OBSL1: variants seen among roughly 807,000 people sequenced by gnomAD.
OBSL1 encodes the protein obscurin like cytoskeletal adaptor 1.
Under a neutral mutation model 172.0 loss-of-function variants are expected in OBSL1, and 160 were observed. The ratio of observed to expected loss-of-function variants is 0.93; its 90% confidence interval spans 0.82 to 1.06. The LOEUF is 1.06. Ranked by LOEUF, OBSL1 falls within the 50% of genes least tolerant of loss-of-function variation. The pLI, the probability that OBSL1 is intolerant of heterozygous loss-of-function variation, is 0.00. For synonymous variants in OBSL1, 1,200 were observed against 1,196.3 expected (o/e 1.00, Z -0.06); for missense variants, 2,681 against 2,715.4 (o/e 0.99, Z 0.28).
At chr2:219,553,110 A>T (rs1417597566) in intron 16 of OBSL1, 86 bp from the exon 17 acceptor site, 1 of 1,398,062 alleles carries the variant, frequency 7.2e-7, no homozygotes, top group Non-Finnish European at 9.2e-7. Context: ...CCCTTTGTTG[A>T]TGCCAAGCGG....
rs1490313117 is a variant in OBSL1 at position 219,556,278 on chromosome 2, A to G, written c.4351T>C (p.Phe1451Leu). 23 of 1,585,808 alleles carry G rather than the reference A, an allele frequency of 1.5e-5. No homozygotes were observed. The highest frequency in any genetic ancestry group is 2.0e-5 in the Non-Finnish European group (23 of 1,162,626). ...RLHVRETELLFLRRLQDVRAE... is the reference protein window; with the variant it reads ...RLHVRETELLLLRRLQDVRAE... ...CGCACATCCTGCAACCGCCGTAGGAACAGCAGCTCTGTCTCTGGTGGGGAA... is the reference window on the plus strand; with the variant it reads ...CGCACATCCTGCAACCGCCGTAGGAGCAGCAGCTCTGTCTCTGGTGGGGAA... The change falls in exon 14 of 21, where the codon TTC becomes CTC. Residue 1451 changes from phenylalanine (F) to leucine (L), a missense_variant. Transcript: ENST00000404537.
At chr2:219,552,426 TGGGGCGGGGCCCGTCGGAGCCA>T (rs1695690860) in intron 18 of OBSL1, 88 bp downstream of exon 18, 3 of 1,045,088 alleles carry the variant, frequency 2.9e-6, no homozygotes, top group South Asian at 3.3e-5. Flanking sequence ...CACAGGGCCG[TGGGGCGGGGCCCGTCGGAGCCA>T]GGGGCGGGGC....
In OBSL1 at chr2:219,559,428, A is replaced by G; in HGVS notation, c.3023T>C (p.Val1008Ala). 1 of 1,613,692 alleles carries G rather than the reference A, an allele frequency of 6.2e-7. No homozygotes were observed. Among genetic ancestry groups the G allele is most frequent in the Non-Finnish European group, 8.5e-7 (1 of 1,179,826 alleles). ...CTCCCGAGACAGTTCACACATCAGCACCACACACTCCAAGGTCACGGCGAT... is the reference window on the plus strand; with the variant it reads ...CTCCCGAGACAGTTCACACATCAGCGCCACACACTCCAAGGTCACGGCGAT... Reference protein sequence around the residue: ...TLIAVTLECVVLMCELSREDA... With the variant: ...TLIAVTLECVALMCELSREDA... The change falls in exon 9 of 21, where the codon GTG becomes GCG. Residue 1008 changes from valine (V) to alanine (A), a missense_variant. Val to Ala is a moderately conservative substitution (Grantham distance 64). Coordinates refer to ENST00000404537, the MANE Select transcript of OBSL1 (RefSeq NM_015311.3).
At chr2:219,570,116 T>TC in intron 1 of OBSL1, 105 bp downstream of exon 1, 2 of 1,018,512 alleles carry the variant, frequency 2.0e-6, no homozygotes, top group South Asian at 4.4e-5. Flanking sequence ...GCGGACCACC[T>TC]CTCCTCCAGT....
chr2:219,551,793 G>A lies in OBSL1; in HGVS notation c.5419C>T (p.Pro1807Ser). The stretch of plus-strand genomic sequence containing the variant: ...GGGGGGTGGCGGCACATCTGGAGAG[G>A]CAATGCTGGGGGTAGGGGGCGGGGG... The part of the protein sequence containing the change: ...SLALLEVEAL[P>S]LQMCRHPPRE... Residue 1807 changes from proline to serine, a missense_variant, in exon 20 of 21, where the codon CCT becomes TCT. Around this residue, in one of 5 missense-constraint regions of OBSL1, gnomAD observed 1,765 missense variants for 1,748.3 expected, o/e 1.01. Coordinates refer to ENST00000404537, the MANE Select transcript of OBSL1 (RefSeq NM_015311.3). 6.4e-7 allele frequency: 1 copy of A among 1,574,260 alleles called. No individual in the cohort carries two copies. Among genetic ancestry groups the A allele is most frequent in the Non-Finnish European group, 8.6e-7 (1 of 1,157,236 alleles).
rs574451794 is a variant in OBSL1, at chr2:219,563,374, G to A, written c.2661C>T (p.Tyr887=). 272 of 1,588,018 alleles carry A rather than the reference G, an allele frequency of 1.7e-4. 4 individuals carry two copies. In the South Asian group the frequency reaches 2.0e-3, roughly 12 times the overall value. The change falls in exon 7 of 21, where the codon TAC becomes TAT. Residue 887 remains tyrosine (Y), a synonymous_variant. Transcript: ENST00000404537. The part of the protein sequence containing the change: ...FQCVAGDECA[Y]FTVTITDVSS... ...CCCCACCTGTGATGGTGACAGTGAA[G>A]TAGGCACACTCATCTCCAGCGACGC...
Position 219,568,199 on chromosome 2 carries a change from G to A in OBSL1, c.1138C>T (p.Leu380=). The change falls in exon 2 of 21, where the codon CTG becomes TTG. Residue 380 remains leucine (L), a synonymous_variant. Transcript: ENST00000404537. The surrounding 1 kb of genome is among the most constrained non-coding windows in gnomAD (Gnocchi z 4.1). ...PTAWFREDQR[L]LPCRKYEQIE... ...TGCTCGTACTTGCGGCAGGGCAGCA[G>A]CCGCTGGTCCTCACGGAACCAGGCC... 1 of 1,613,662 alleles carries A rather than the reference G, an allele frequency of 6.2e-7. No homozygotes were observed. Among genetic ancestry groups the A allele is most frequent in the Non-Finnish European group, 8.5e-7 (1 of 1,179,898 alleles).
chr2:219,567,258 G>A lies in OBSL1; in HGVS notation c.1837+15C>T. On this transcript the variant is annotated intron_variant, in intron 4 of 20. Transcript: ENST00000404537. ...GGAGGAGAAGTGATGGGTGGGTCTG[G>A]CAGGACCAACTCACCAAGGTGAGCA... 7 of 1,579,584 alleles carry A rather than the reference G, an allele frequency of 4.4e-6. No individual in the cohort carries two copies. Among genetic ancestry groups the A allele is most frequent in the Non-Finnish European group, 5.2e-6 (6 of 1,158,904 alleles).
At chr2:219,547,841 C>A (rs781157116), downstream of OBSL1, 1 of 1,587,284 alleles carries the variant, frequency 6.3e-7, no homozygotes, top group South Asian at 1.1e-5. Flanking sequence ...TCTGCGCTGG[C>A]CCCGCCCACT....
intron 9 of OBSL1, 161 bp downstream of exon 9, chr2:219,559,064 G>T: frequency 1.5e-6 from 1 of 658,950 alleles, no homozygotes; most frequent in Non-Finnish European, 2.5e-6. Context: ...CAGGCCTCTG[G>T]TCCTGACCTG....
rs1559152452 is a variant in OBSL1 at position 219,566,940 on chromosome 2, T to G, written c.2024A>C (p.Lys675Thr). ...CAGGATGAGTCTGTGCTGCAGACCC[T>G]TCTGCTCTATACGGTACCGCAGGGC... The part of the protein sequence containing the change: ...PGALRYRIEQ[K>T]GLQHRLILHA... Residue 675 changes from lysine to threonine, a missense_variant, in exon 5 of 21, where the codon AAG becomes ACG. Lys to Thr is a moderately conservative substitution (Grantham distance 78, BLOSUM62 -1). Around this residue, in one of 5 missense-constraint regions of OBSL1, gnomAD observed 1,765 missense variants for 1,748.3 expected, o/e 1.01. Coordinates refer to ENST00000404537, the MANE Select transcript of OBSL1 (RefSeq NM_015311.3). 6.2e-7 allele frequency: 1 copy of G among 1,613,824 alleles called. No homozygotes were observed. Among genetic ancestry groups the G allele is most frequent in the East Asian group, 2.2e-5 (1 of 44,872 alleles).
intron 8 of OBSL1, 76 bp from the exon 9 acceptor site, chr2:219,559,573 C>T: frequency 7.8e-7 from 1 of 1,286,820 alleles, no homozygotes; most frequent in African/African-American, 1.5e-5. Flanking sequence ...AGCATGAAGT[C>T]CCTATCACCC....
intron 20 of OBSL1, 79 bp downstream of exon 20, chr2:219,551,450 G>T: frequency 6.9e-7 from 1 of 1,457,626 alleles, no homozygotes; most frequent in Non-Finnish European, 9.2e-7. Context: ...GTTCTGGAAA[G>T]CCTCCCATAG....
intron 8 of OBSL1, among the ~76,000 whole-genome samples, chr2:219,560,466 A>G (rs960801150): frequency 6.6e-6 from 1 of 152,180 alleles, no homozygotes; most frequent in African/African-American, 2.4e-5. Context: ...TGACCAGCGC[A>G]TGGAGCCCAG....
Position 219,562,422 on chromosome 2 carries a change from G to C in OBSL1, c.2933C>G (p.Ser978Cys). Residue 978 changes from serine to cysteine, a missense_variant, in exon 8 of 21, where the codon TCC becomes TGC. Ser to Cys is a moderately radical substitution (Grantham distance 112, BLOSUM62 -1). This residue lies in a region of OBSL1 where 1,765 missense variants were observed against 1,748.3 expected (regional missense o/e 1.01). Coordinates refer to ENST00000404537, the MANE Select transcript of OBSL1 (RefSeq NM_015311.3). ...YLCEIDDESA[S>C]FTVTVTEPPV... ...CACACCTGTGACGGTGACAGTGAAG[G>C]AGGCCGACTCATCGTCAATTTCACA... is the stretch of plus-strand genomic sequence containing the variant. 6.2e-7 allele frequency: 1 copy of C among 1,613,790 alleles called. No homozygotes were observed. Among genetic ancestry groups the C allele is most frequent in the Non-Finnish European group, 8.5e-7 (1 of 1,179,822 alleles).
chr2:219,563,665 C>A, intron 6 of OBSL1, 38 bp from the exon 7 acceptor site: 1 of 1,588,752 alleles, frequency 6.3e-7, no homozygotes, highest in Non-Finnish European at 8.6e-7. Flanking sequence ...ACAGACACCC[C>A]CGCACAATGA....
intron 20 of OBSL1, chr2:219,551,317 A>T: frequency 7.1e-7 from 1 of 1,414,020 alleles, no homozygotes; most frequent in East Asian, 2.5e-5. Context: ...AGGTGGGAAC[A>T]GCTGACCAGG....
chr2:219,555,074 G>C (rs1695902216), intron 14 of OBSL1: 1 of 334,360 alleles, frequency 3.0e-6, no homozygotes, highest in Non-Finnish European at 5.5e-6. Context: ...CTACCACATA[G>C]TTTGTGTGCT....
Position 219,570,655 on chromosome 2 carries a change from G to C in OBSL1, c.578C>G (p.Ala193Gly), listed in dbSNP as rs1267702779. The change falls in exon 1 of 21, where the codon GCA becomes GGA. Residue 193 changes from alanine (A) to glycine (G), a missense_variant. Physicochemically the swap from Ala to Gly is moderately conservative, Grantham distance 60 (BLOSUM62 0). Around this residue, in one of 5 missense-constraint regions of OBSL1, gnomAD observed 706 missense variants for 695.8 expected, o/e 1.01. Transcript: ENST00000404537. ...CAGCCGAGCCGCCAGGATGCGCAGT[G>C]CCAGGCTCGCGCCGGGGCCGTCCTC... is the stretch of plus-strand genomic sequence containing the variant. ...RAEDGPGASL[A>G]LRILAARLPD... 6.6e-7 allele frequency: 1 copy of C among 1,507,688 alleles called. No individual in the cohort carries two copies. The highest frequency in any genetic ancestry group is 1.5e-5 in the African/African-American group (1 of 68,748). The allele number at this position is 1,507,688 out of a possible 1,614,324, so 93.4% of individuals were successfully genotyped here.
Sources: allele counts gnomAD v4.1 joint callset (sites outside exome capture counted in the v4.1 genomes callset), GRCh38; gene constraint gnomAD v4.1.1; regional missense constraint gnomAD v4.1.1; non-coding constraint Gnocchi (gnomAD v3.1); transcripts MANE v1.5; gene names NCBI Gene and HGNC (gene_info 2026-07-23, HGNC 2026-07-21).